VAPA: variants seen among roughly 807,000 people sequenced by gnomAD.
VAPA encodes vesicle-associated membrane protein-associated protein A.
In VAPA, 6 loss-of-function variants were observed where a neutral mutation model predicts 25.6. That is an observed-to-expected ratio of 0.23 (90% confidence interval 0.13 to 0.46). The LOEUF (loss-of-function observed/expected upper bound fraction) is 0.46. Among genes scored for constraint, VAPA ranks in the 20% least tolerant of loss-of-function variants. The probability of loss-of-function intolerance (pLI) is 0.99; values close to 1 mark genes in which losing one functional copy is unlikely to be tolerated. For missense variants in VAPA, 244 were observed against 302.1 expected (o/e 0.81, Z 1.43); for synonymous variants, 112 against 106.2 (o/e 1.05, Z -0.34).
At chr18:9,953,781 T>G (rs900361424) in intron 5 of VAPA, among the ~76,000 whole-genome samples, 1 of 152,226 alleles carries the variant, frequency 6.6e-6, no homozygotes, top group African/African-American at 2.4e-5. Flanking sequence ...AAAATCAGTG[T>G]TATTGAGGTA....
rs2069092524 is a variant in VAPA, at chr18:9,914,438, C to T, written c.79+103C>T. 38 of 997,720 alleles carry T rather than the reference C, an allele frequency of 3.8e-5. No individual in the cohort carries two copies. The South Asian group carries it at 6.9e-4, about 18-fold the overall frequency. 61.8% of individuals were successfully genotyped at this position (997,720 alleles called of 1,614,324 possible). A position where few individuals can be genotyped will look rare whatever the true frequency, so the allele number is the denominator to read the frequency against. ...CGTCCGCGGCCCTGGCCCGAGGGAG[C>T]GCCCCCTCCCCCACGCCCCGGCGCC... On this transcript the variant is annotated intron_variant, in intron 1 of 5. Transcript: ENST00000400000.
chr18:9,925,086 A>G (rs546620517), intron 1 of VAPA: 1 of 152,268 alleles, frequency 6.6e-6, no homozygotes, highest in Non-Finnish European at 1.5e-5. Flanking sequence ...AGTAAAAGAC[A>G]TGGTCCCTTC....
intron 1 of VAPA, chr18:9,924,859 C>T (rs192227903): frequency 6.6e-6 from 1 of 151,492 alleles, no homozygotes; most frequent in Admixed American, 6.6e-5. Flanking sequence ...AGCTGTTAAG[C>T]CTCAGATTGA....
rs903264682 is a variant in VAPA, at chr18:9,937,599, A to T, written c.417+533A>T. Among the ~76,000 whole-genome samples, 3 of 152,260 alleles carry T rather than the reference A, an allele frequency of 2.0e-5. No homozygotes were observed. In the East Asian group the frequency reaches 5.8e-4, roughly 29 times the overall value. On this transcript the variant is annotated intron_variant, in intron 4 of 5. Transcript: ENST00000400000. The stretch of plus-strand genomic sequence containing the variant: ...CTAATACAATTTGGGGGACTGAGGG[A>T]TGTATTTGTTTATTCAAAAACAAAC...
chr18:9,931,735 A>C, intron 1 of VAPA, 75 bp from the exon 2 acceptor site: 1 of 1,302,574 alleles, frequency 7.7e-7, no homozygotes, highest in South Asian at 1.5e-5. Flanking sequence ...GAGGTTATAT[A>C]TTTTCAGTTT....
chr18:9,922,033 A>G (rs1349073528), intron 1 of VAPA, among the ~76,000 whole-genome samples: 1 of 152,156 alleles, frequency 6.6e-6, no homozygotes, highest in Admixed American at 6.5e-5. Context: ...ACTGAAGTGC[A>G]GTGGTGCTGT....
At chr18:9,945,210 C>G in intron 4 of VAPA, 4 of 995,188 alleles carry the variant, frequency 4.0e-6, no homozygotes, top group Non-Finnish European at 5.8e-6. Flanking sequence ...CTACAAAGCA[C>G]TTAAAAATCA....
At position 9,937,024 on chromosome 18, in the gene VAPA, A is replaced by G. The variant is rs775315936; in HGVS notation, c.375A>G (p.Lys125=). ...AACCTGATGAATTAATGGATTCCAA[A>G]TTGAGATGCGTATTTGAAATGCCCA... is the stretch of plus-strand genomic sequence containing the variant. ...EAKPDELMDS[K]LRCVFEMPNE... Residue 125 remains lysine (K), a synonymous_variant, in exon 4 of 6, where the codon AAA becomes AAG. Transcript: ENST00000400000. 1.9e-6 allele frequency: 3 copies of G among 1,614,014 alleles called. No individual in the cohort carries two copies. The highest frequency in any genetic ancestry group is 1.7e-5 in the Admixed American group (1 of 60,018).
At chr18:9,919,418 T>C (rs1328795851) in intron 1 of VAPA, among the ~76,000 whole-genome samples, 1 of 152,124 alleles carries the variant, frequency 6.6e-6, no homozygotes, top group Non-Finnish European at 1.5e-5. Flanking sequence ...CAGTTGTGAG[T>C]GAAACACAAG....
At chr18:9,942,008 T>C (rs1391865069) in intron 4 of VAPA, among the ~76,000 whole-genome samples, 1 of 152,230 alleles carries the variant, frequency 6.6e-6, no homozygotes, top group Admixed American at 6.5e-5. Flanking sequence ...TTTATTAGTA[T>C]GTTGTAAAAA....
rs147677330 is a variant in VAPA at position 9,956,094 on chromosome 18, G to A, written c.*1883G>A. The A allele has an allele frequency of 6.6e-6, 1 of 152,076 alleles. No homozygotes were observed. The highest frequency in any genetic ancestry group is 2.4e-5 in the African/African-American group (1 of 41,490). The allele number at this position is 152,076 out of a possible 1,614,324, so 9.4% of individuals were successfully genotyped here. A position where few individuals can be genotyped will look rare whatever the true frequency, so the allele number is the denominator to read the frequency against. On this transcript the variant is annotated 3_prime_UTR_variant, in exon 6 of 6. Coordinates refer to ENST00000400000, the MANE Select transcript of VAPA (RefSeq NM_194434.3). ...GTTCTTGAAAATTTAGCCAAATCCC[G>A]TTTTATGGGAATGCTCTTTAGAATT...
chr18:9,937,264 A>G (rs1429101057), intron 4 of VAPA, among the ~76,000 whole-genome samples, 198 bp downstream of exon 4: 2 of 150,916 alleles, frequency 1.3e-5, no homozygotes, highest in Non-Finnish European at 2.9e-5. Context: ...ATCCAAGAAG[A>G]AAGAAAGACT....
chr18:9,924,016 A>G (rs1323661992), intron 1 of VAPA: 2 of 154,458 alleles, frequency 1.3e-5, no homozygotes, highest in Non-Finnish European at 2.9e-5. Flanking sequence ...TATAAAGCCA[A>G]TAAAAATTAC....
chr18:9,950,384 T>C lies in VAPA; in HGVS notation c.418-11T>C. On this transcript the variant is annotated splice_polypyrimidine_tract_variant and intron_variant, in intron 4 of 5. Coordinates refer to ENST00000400000, the MANE Select transcript of VAPA (RefSeq NM_194434.3). ...GTTAGTTAAAAAATTCCCAATATCT[T>C]TGTAATGCAGAATGATATGGAACCT... 1 of 1,607,194 alleles carries C rather than the reference T, an allele frequency of 6.2e-7. No homozygotes were observed. The highest frequency in any genetic ancestry group is 1.1e-5 in the South Asian group (1 of 88,636).
rs1044188 is a variant in VAPA at position 9,950,458 on chromosome 18, A to G, written c.481A>G (p.Lys161Glu). Residue 161 changes from lysine (K) to glutamate (E), a missense_variant, in exon 5 of 6, where the codon AAA becomes GAA. Around this residue, in one of 2 missense-constraint regions of VAPA, gnomAD observed 145 missense variants for 140.6 expected, o/e 1.03. Transcript: ENST00000400000. ...NASKQDGPMPKPHSVSLNDTE... is the reference protein window; with the variant it reads ...NASKQDGPMPEPHSVSLNDTE... ...ATCTAAGCAAGATGGACCTATGCCA[A>G]AACCACACAGTGTTTCACTTAATGA... 43 of 1,614,062 alleles carry G rather than the reference A, an allele frequency of 2.7e-5. No homozygotes were observed. The highest frequency in any genetic ancestry group is 3.4e-5 in the Non-Finnish European group (40 of 1,180,018).
At chr18:9,953,990 C>G in intron 5 of VAPA, 63 bp from the exon 6 acceptor site, 7 of 1,588,782 alleles carry the variant, frequency 4.4e-6, no homozygotes, top group South Asian at 1.1e-5. Context: ...AGATTTTTAG[C>G]TCCAGTAGTC....
intron 1 of VAPA, among the ~76,000 whole-genome samples, chr18:9,928,477 A>G (rs767249687): frequency 3.9e-4 from 60 of 152,082 alleles, no homozygotes; most frequent in Non-Finnish European, 6.8e-4. Flanking sequence ...CCTGACTTTT[A>G]TGGTGGCCAC....
At chr18:9,927,554 G>A (rs1040149966) in intron 1 of VAPA, among the ~76,000 whole-genome samples, 10 of 150,952 alleles carry the variant, frequency 6.6e-5, no homozygotes, top group African/African-American at 2.0e-4. Flanking sequence ...TAAAGGTCCC[G>A]CTATTTAAAA....
At position 9,956,350 on chromosome 18, in the gene VAPA, T is replaced by A. The variant is rs934079958; in HGVS notation, c.*2139T>A. 6.6e-6 allele frequency: 1 copy of A among 152,210 alleles called. No individual in the cohort carries two copies. The highest frequency in any genetic ancestry group is 2.4e-5 in the African/African-American group (1 of 41,468). 9.4% of individuals were successfully genotyped at this position (152,210 alleles called of 1,614,324 possible). A position where few individuals can be genotyped will look rare whatever the true frequency, so the allele number is the denominator to read the frequency against. On this transcript the variant is annotated 3_prime_UTR_variant, in exon 6 of 6. Coordinates refer to ENST00000400000, the MANE Select transcript of VAPA (RefSeq NM_194434.3). ...TTATAATAACAAGTATATGTGAAAT[T>A]TCTTATTGTAAGACTACTACCGGCT...
Sources: allele counts gnomAD v4.1 joint callset (sites outside exome capture counted in the v4.1 genomes callset), GRCh38; gene constraint gnomAD v4.1.1; regional missense constraint gnomAD v4.1.1; transcripts MANE v1.5; gene names NCBI Gene and HGNC (gene_info 2026-07-23, HGNC 2026-07-21).